TSC1: variants seen among roughly 807,000 people sequenced by gnomAD.
TSC1 encodes hamartin.
Under a neutral mutation model 124.3 loss-of-function variants are expected in TSC1, and 20 were observed. The observed-to-expected ratio is 0.16, with a 90% CI of 0.11 to 0.23. The LOEUF (loss-of-function observed/expected upper bound fraction) is 0.23, where lower values mean the gene tolerates loss of function less well. Ranked by LOEUF, TSC1 falls within the 10% of genes least tolerant of loss-of-function variation. The pLI is 1.00. For synonymous variants in TSC1, 493 were observed against 539.1 expected, an observed-to-expected ratio of 0.91 and a Z score of 1.19; for missense variants, 1,124 against 1,448.5, an observed-to-expected ratio of 0.78 and a Z score of 3.64.
intron 2 of TSC1, 118 bp from the exon 3 acceptor site, chr9:132,929,070 TTC>T: frequency 6.1e-6 from 5 of 815,544 alleles, no homozygotes; most frequent in Non-Finnish European, 9.3e-6. Flanking sequence ...TTGGCCAGAA[TTC>T]TCTGATTCAA....
chr9:132,910,569 A>ACCTT lies in TSC1; in HGVS notation c.1261_1263+1dup. 6.2e-7 allele frequency: 1 copy of ACCTT among 1,613,990 alleles called. No individual in the cohort carries two copies. On this transcript the variant is annotated splice_donor_variant, in intron 12 of 22. Coordinates refer to ENST00000298552, the MANE Select transcript of TSC1 (RefSeq NM_000368.5). LOFTEE classifies it high-confidence loss of function. ...AGGGATAGCAGACGAGCTGGATCGC[A>ACCTT]CCTTCCTGGGGGGTGTGACTGTGGC...
chr9:132,897,908 CA>C (rs1488987838), intron 20 of TSC1, among the ~76,000 whole-genome samples: 3 of 152,130 alleles, frequency 2.0e-5, no homozygotes, highest in African/African-American at 7.2e-5. Flanking sequence ...AGTCTAATGT[CA>C]GGGGAACAGT....
In TSC1 at chr9:132,921,909, A is replaced by C; in HGVS notation, c.573T>G (p.Leu191=). ...HASVYALFHR[L]YGMYPCNFVS... is the part of the protein sequence containing the mutation. ...CGAAGTTGCAAGGGTACATTCCATA[A>C]AGGCGATGAAAGAGTGCGTACACAC... Residue 191 remains leucine (L), a synonymous_variant, in exon 7 of 23, where the codon CTT becomes CTG. Coordinates refer to ENST00000298552, the MANE Select transcript of TSC1 (RefSeq NM_000368.5). This position sits in a 1 kb window ranked among gnomAD's most constrained non-coding sequence, Gnocchi z 4.3. The C allele has an allele frequency of 6.2e-7, 1 of 1,614,206 alleles. No individual in the cohort carries two copies. The highest frequency in any genetic ancestry group is 1.1e-5 in the South Asian group (1 of 91,086).
chr9:132,928,750 G>T lies in TSC1; in HGVS notation c.106+17C>A, dbSNP rs376668528. 1.2e-6 allele frequency: 2 copies of T among 1,613,506 alleles called. No individual in the cohort carries two copies. Among genetic ancestry groups the T allele is most frequent in the Admixed American group, 1.7e-5 (1 of 59,998 alleles). On this transcript the variant is annotated intron_variant, in intron 3 of 22. Coordinates refer to ENST00000298552, the MANE Select transcript of TSC1 (RefSeq NM_000368.5). ...TCTTTCTAGAAGATAAGCTAAAAAG[G>T]ATATTATTTTGCTAACCAGAATTGA...
At chr9:132,914,023 C>T (rs186192578) in intron 8 of TSC1, among the ~76,000 whole-genome samples, 5 of 150,178 alleles carry the variant, frequency 3.3e-5, no homozygotes, top group Admixed American at 6.6e-5. Context: ...CTCAGTCTCC[C>T]GAGTAGCTGG....
At position 132,891,647 on chromosome 9, in the gene TSC1, C is replaced by T. The variant is rs1431843030; in HGVS notation, c.*4588G>A. On this transcript the variant is annotated 3_prime_UTR_variant, in exon 23 of 23. Coordinates refer to ENST00000298552, the MANE Select transcript of TSC1 (RefSeq NM_000368.5). The stretch of plus-strand genomic sequence containing the variant: ...TCACTGATGGGACCCCTTTAAACTG[C>T]AAGTTTGCCACACATGGTTCATTCA... The T allele has an allele frequency of 8.6e-6, 2 of 233,506 alleles. No individual in the cohort carries two copies. Among genetic ancestry groups the T allele is most frequent in the African/African-American group, 4.4e-5 (2 of 45,330 alleles). 14.5% of individuals were successfully genotyped at this position (233,506 alleles called of 1,614,324 possible).
rs116915203 is a variant in TSC1 at position 132,903,136 on chromosome 9, C to G, written c.2209-349G>C. On this transcript the variant is annotated intron_variant, in intron 17 of 22. Coordinates refer to ENST00000298552, the MANE Select transcript of TSC1 (RefSeq NM_000368.5). This position sits in a 1 kb window ranked among gnomAD's most constrained non-coding sequence, Gnocchi z 5.9. ...TACTGAATGCTTGCAGTGTGCTGGG[C>G]GCTCAGCAAGGGCTTACCGACATAA... Among the ~76,000 whole-genome samples the G allele has an allele frequency of 2.7e-4, 41 of 152,258 alleles. No individual in the cohort carries two copies. The highest frequency in any genetic ancestry group is 1.8e-3 in the Admixed American group (28 of 15,288).
rs958393386 is a variant in TSC1 at position 132,923,614 on chromosome 9, A to G, written c.364-122T>C. ...TCACAAATCACAAGTTGACTCACGT[A>G]CTCATTTCCCTATCCCTAAGGATTA... On this transcript the variant is annotated intron_variant, in intron 5 of 22. Transcript: ENST00000298552. The surrounding 1 kb of genome is among the most constrained non-coding windows in gnomAD (Gnocchi z 4.2). 5.8e-6 allele frequency: 8 copies of G among 1,373,332 alleles called. No individual in the cohort carries two copies. The highest frequency in any genetic ancestry group is 5.4e-5 in the Admixed American group (3 of 55,996). The allele number at this position is 1,373,332 out of a possible 1,614,324, so 85.1% of individuals were successfully genotyped here. A position where few individuals can be genotyped will look rare whatever the true frequency, so the allele number is the denominator to read the frequency against.
chr9:132,900,965 G>T, intron 19 of TSC1, 128 bp from the exon 20 acceptor site: 1 of 1,348,810 alleles, frequency 7.4e-7, no homozygotes, highest in Non-Finnish European at 1.0e-6. Context: ...AGTCCCATGG[G>T]TTCACAGTCC....
rs2132185077 is a variant in TSC1 at position 132,923,328 on chromosome 9, G to A, written c.508+20C>T. The A allele has an allele frequency of 6.2e-7, 1 of 1,613,872 alleles. No individual in the cohort carries two copies. Among genetic ancestry groups the A allele is most frequent in the South Asian group, 1.1e-5 (1 of 91,060 alleles). The stretch of plus-strand genomic sequence containing the variant: ...GCATTCACCTCACAGGGCCCAACAG[G>A]TATATGAGGAGATCTGTACCTGGTT... On this transcript the variant is annotated intron_variant, in intron 6 of 22. Transcript: ENST00000298552. This position sits in a 1 kb window ranked among gnomAD's most constrained non-coding sequence, Gnocchi z 4.2.
At chr9:132,938,770 G>T (rs1030237326) in intron 1 of TSC1, among the ~76,000 whole-genome samples, 1 of 152,080 alleles carries the variant, frequency 6.6e-6, no homozygotes, top group Non-Finnish European at 1.5e-5. Context: ...AAATACTAGT[G>T]GCAGATACCT....
At chr9:132,928,706 G>A in intron 3 of TSC1, 61 bp downstream of exon 3, 2 of 1,602,012 alleles carry the variant, frequency 1.2e-6, no homozygotes, top group Non-Finnish European at 1.7e-6. Flanking sequence ...GGATTCTAGT[G>A]GCTCTAAAGT....
chr9:132,944,494 G>GC (rs1184184789), intron 1 of TSC1, 49 bp downstream of exon 1: 1 of 398,356 alleles, frequency 2.5e-6, no homozygotes, highest in East Asian at 3.6e-5. Context: ...TGCCGGGGCT[G>GC]CCCCAGGAAG....
chr9:132,920,047 G>A (rs1274905425), intron 8 of TSC1, among the ~76,000 whole-genome samples: 1 of 152,192 alleles, frequency 6.6e-6, no homozygotes. Flanking sequence ...CATATTTCAC[G>A]CATGTCCAGT....
rs544444038 is a variant in TSC1 at position 132,927,137 on chromosome 9, C to T, written c.210+64G>A. 487 of 1,473,564 alleles carry T rather than the reference C, an allele frequency of 3.3e-4. 7 individuals carry two copies. The South Asian group carries it at 4.8e-3, about 15-fold the overall frequency. 91.3% of individuals were successfully genotyped at this position (1,473,564 alleles called of 1,614,324 possible). On this transcript the variant is annotated intron_variant, in intron 4 of 22. Coordinates refer to ENST00000298552, the MANE Select transcript of TSC1 (RefSeq NM_000368.5). ...AGCTCAGGACAAGTTGCACAGTGGC[C>T]GTGCACAGAAGCTGTTGTACTCATG...
chr9:132,905,431 A>T (rs1168161973), intron 15 of TSC1, 150 bp downstream of exon 15: 1 of 1,074,568 alleles, frequency 9.3e-7, no homozygotes, highest in Non-Finnish European at 1.4e-6. Flanking sequence ...ATGAAGATGC[A>T]ACAGCCTAGA....
intron 15 of TSC1, 95 bp downstream of exon 15, chr9:132,905,486 A>ATCATTC: frequency 1.3e-6 from 2 of 1,553,612 alleles, no homozygotes; most frequent in Non-Finnish European, 1.8e-6. Context: ...TCAAGGTGGG[A>ATCATTC]GTGTGAAGAA....
intron 16 of TSC1, among the ~76,000 whole-genome samples, 192 bp from the exon 17 acceptor site, chr9:132,904,009 G>A (rs971897098): frequency 6.6e-6 from 1 of 152,092 alleles, no homozygotes; most frequent in African/African-American, 2.4e-5. Context: ...CCCCGTGAAG[G>A]AATGCAAAAG....
chr9:132,905,513 C>T lies in TSC1; in HGVS notation c.1997+68G>A, dbSNP rs1273100390. 3 of 1,605,896 alleles carry T rather than the reference C, an allele frequency of 1.9e-6. No individual in the cohort carries two copies. The African/African-American group carries it at 4.0e-5, about 21-fold the overall frequency. On this transcript the variant is annotated intron_variant, in intron 15 of 22. Transcript: ENST00000298552. The stretch of plus-strand genomic sequence containing the variant: ...TGTGAAGAATGATTCTTGTTCCTCT[C>T]TTACACTTTCTGTACTTCACAATAA...
Sources: gnomAD v4.1 joint callset for allele counts (sites outside exome capture counted in the v4.1 genomes callset) on GRCh38, gnomAD v4.1.1 for gene constraint, Gnocchi (gnomAD v3.1) non-coding constraint, MANE v1.5 for transcripts, NCBI Gene and HGNC (gene_info 2026-07-23, HGNC 2026-07-21) for gene names.